The following GPC5 variants were observed in gnomAD, a reference collection of about 807,000 sequenced individuals.
The protein encoded by GPC5 is glypican 5.
GPC5 carries 47 observed loss-of-function variants against 53.9 expected under a neutral mutation model. The observed-to-expected ratio is 0.87, with a 90% CI of 0.69 to 1.11. The LOEUF (loss-of-function observed/expected upper bound fraction) is 1.11, where lower values mean the gene tolerates loss of function less well. GPC5 is among the 50% of genes most tolerant of loss of function. The probability of loss-of-function intolerance (pLI) is 0.00; values close to 1 mark genes in which losing one functional copy is unlikely to be tolerated. For missense variants in GPC5, 748 were observed against 713.1 expected (o/e 1.05, Z -0.56); for synonymous variants, 286 against 263.3 (o/e 1.09, Z -0.84).
chr13:91,848,073 A>G (rs1054652163), intron 5 of GPC5, among the ~76,000 whole-genome samples: 5 of 152,204 alleles, frequency 3.3e-5, no homozygotes, highest in Admixed American at 1.3e-4. Flanking sequence ...GTTCACAGTG[A>G]TGGAATGGGC....
At chr13:92,244,662 G>T (rs951879846) in intron 7 of GPC5, among the ~76,000 whole-genome samples, 1 of 152,008 alleles carries the variant, frequency 6.6e-6, no homozygotes, top group African/African-American at 2.4e-5. Flanking sequence ...CTCACACAAT[G>T]CATTTATACA....
At chr13:91,587,892 A>T (rs2032657432) in intron 2 of GPC5, among the ~76,000 whole-genome samples, 1 of 152,180 alleles carries the variant, frequency 6.6e-6, no homozygotes, top group Non-Finnish European at 1.5e-5. Context: ...TGTTTATCAA[A>T]TGTCTCCTGC....
chr13:92,680,087 G>A (rs9523763), intron 7 of GPC5, among the ~76,000 whole-genome samples: 76,638 of 151,934 alleles, frequency 0.5, 19,614 homozygotes, highest in Admixed American at 0.58. Context: ...CTCTGAGGAA[G>A]TTTGAGATTG....
Position 92,728,000 on chromosome 13 carries a change from C to T in GPC5, c.1562-138282C>T, listed in dbSNP as rs115693503. On this transcript the variant is annotated intron_variant, in intron 7 of 7. Coordinates refer to ENST00000377067, the MANE Select transcript of GPC5 (RefSeq NM_004466.6). Reference sequence around the variant, plus strand: ...TCTCTCCATGTTTTTGTTTGTTTGCCGACTCTTGATTTTTTAATTGGTGTA... The same window carrying T: ...TCTCTCCATGTTTTTGTTTGTTTGCTGACTCTTGATTTTTTAATTGGTGTA... Among the ~76,000 whole-genome samples the T allele has an allele frequency of 2.2e-3, 326 of 151,220 alleles. 4 individuals carry two copies. Among genetic ancestry groups the T allele is most frequent in the African/African-American group, 7.5e-3 (310 of 41,360 alleles).
chr13:91,826,714 G>C (rs1438954487), intron 5 of GPC5, among the ~76,000 whole-genome samples: 1 of 152,052 alleles, frequency 6.6e-6, no homozygotes, highest in Non-Finnish European at 1.5e-5. Flanking sequence ...TAAAGCAAAA[G>C]AGTAAGTTCA....
At chr13:92,260,995 T>TTATA (rs2042762757) in intron 7 of GPC5, among the ~76,000 whole-genome samples, 1 of 152,314 alleles carries the variant, frequency 6.6e-6, no homozygotes, top group African/African-American at 2.4e-5. Flanking sequence ...TTACTGGGAA[T>TTATA]TATACATCAT....
rs187484332 is a variant in GPC5 at position 92,719,244 on chromosome 13, C to A, written c.1562-147038C>A. 3.5e-3 allele frequency among the ~76,000 whole-genome samples: 534 copies of A among 150,566 alleles called. 4 individuals are homozygous for A. The highest frequency in any genetic ancestry group is 0.012 in the African/African-American group (496 of 40,888). ...TGATTCCCAGGTTATTTCTCAATAT[C>A]TTACATCTAGCTTTTACAAATGACA... On this transcript the variant is annotated intron_variant, in intron 7 of 7. Transcript: ENST00000377067.
chr13:92,405,085 A>G (rs1277567302), intron 7 of GPC5, among the ~76,000 whole-genome samples: 1 of 133,798 alleles, frequency 7.5e-6, no homozygotes, highest in African/African-American at 2.9e-5. Flanking sequence ...ATTGAAATAA[A>G]TGTGAGCTAT....
intron 6 of GPC5, among the ~76,000 whole-genome samples, chr13:91,965,041 C>T (rs1350874425): frequency 7.6e-6 from 1 of 132,376 alleles, no homozygotes; most frequent in Non-Finnish European, 1.5e-5. Flanking sequence ...AATGAGAACA[C>T]TTAGACACAG....
intron 2 of GPC5, among the ~76,000 whole-genome samples, chr13:91,686,287 G>C (rs935368905): frequency 1.3e-5 from 2 of 151,902 alleles, no homozygotes; most frequent in Non-Finnish European, 2.9e-5. Context: ...TTAATGAGGA[G>C]GGAAATGAGG....
chr13:91,674,490 TATATATGCATATGTGTATATATACAC>T (rs1262968838), intron 2 of GPC5, among the ~76,000 whole-genome samples: 11 of 150,026 alleles, frequency 7.3e-5, no homozygotes, highest in South Asian at 2.1e-4. Context: ...CGCGCATGTG[TATATATGCATATGTGTATATATACAC>T]ATATATGCGT....
intron 7 of GPC5, among the ~76,000 whole-genome samples, chr13:92,309,821 G>A (rs1360723489): frequency 1.3e-5 from 2 of 152,000 alleles, no homozygotes; most frequent in Non-Finnish European, 2.9e-5. Context: ...TATTCATCAT[G>A]CTGTACAACA....
At chr13:92,484,594 ACCTC>A (rs1158836746) in intron 7 of GPC5, 2 of 152,016 alleles carry the variant, frequency 1.3e-5, no homozygotes, top group African/African-American at 2.4e-5. Context: ...GGAATCTTTC[ACCTC>A]CCTTGTTGAC....
At chr13:91,819,151 C>CTTTTT (rs386380203) in intron 5 of GPC5, among the ~76,000 whole-genome samples, 1 of 58,046 alleles carries the variant, frequency 1.7e-5, no homozygotes, top group Non-Finnish European at 2.9e-5. Context: ...AAAATATGCG[C>CTTTTT]TTTTTTTTTT....
intron 2 of GPC5, among the ~76,000 whole-genome samples, chr13:91,578,214 G>T (rs978805560): frequency 6.6e-6 from 1 of 152,288 alleles, no homozygotes; most frequent in Non-Finnish European, 1.5e-5. Flanking sequence ...TCCAGTGAAG[G>T]CTTCAAATGA....
At chr13:92,296,275 A>G in intron 7 of GPC5, among the ~76,000 whole-genome samples, 1 of 152,096 alleles carries the variant, frequency 6.6e-6, no homozygotes, top group Non-Finnish European at 1.5e-5. Context: ...TCCAGAGAGC[A>G]TCAGCTGTGG....
intron 7 of GPC5, among the ~76,000 whole-genome samples, chr13:92,468,799 C>A (rs561268478): frequency 6.6e-6 from 1 of 152,184 alleles, no homozygotes; most frequent in East Asian, 1.9e-4. Flanking sequence ...CCAAGAATTT[C>A]CCACAGTCCC....
chr13:92,605,094 TAATC>T (rs1338524370), intron 7 of GPC5, among the ~76,000 whole-genome samples: 1 of 152,204 alleles, frequency 6.6e-6, no homozygotes, highest in Non-Finnish European at 1.5e-5. Flanking sequence ...AGAGAATTGT[TAATC>T]AACCCATCAT....
At chr13:92,750,507 A>G (rs1396846042) in intron 7 of GPC5, among the ~76,000 whole-genome samples, 1 of 152,204 alleles carries the variant, frequency 6.6e-6, no homozygotes, top group Non-Finnish European at 1.5e-5. Flanking sequence ...ATAAGCCTGA[A>G]GAGGCATAAG....
Sources: gnomAD v4.1 joint callset for allele counts (sites outside exome capture counted in the v4.1 genomes callset) on GRCh38, gnomAD v4.1.1 for gene constraint, MANE v1.5 for transcripts, NCBI Gene and HGNC (gene_info 2026-07-23, HGNC 2026-07-21) for gene names.